Variants in PRKCE observed in about 807,000 individuals in gnomAD.
PRKCE encodes the protein protein kinase C epsilon, also known as protein kinase C epsilon type.
Under a neutral mutation model 85.4 loss-of-function variants are expected in PRKCE, and 16 were observed. The observed-to-expected ratio is 0.19, with a 90% CI of 0.13 to 0.28. The LOEUF (loss-of-function observed/expected upper bound fraction) is 0.28, where lower values mean the gene tolerates loss of function less well. PRKCE is among the 10% of genes least tolerant of loss of function. PRKCE has a pLI of 1.00. For synonymous variants in PRKCE, 388 were observed against 371.5 expected, an observed-to-expected ratio of 1.04 and a Z score of -0.51; for missense variants, 573 against 975.2, an observed-to-expected ratio of 0.59 and a Z score of 5.49.
chr2:45,771,717 G>A (rs985951097), intron 1 of PRKCE, among the ~76,000 whole-genome samples: 6 of 87,176 alleles, frequency 6.9e-5, no homozygotes, highest in African/African-American at 1.9e-4. Flanking sequence ...GTGTGTGTGT[G>A]TGTGTGTGTG....
chr2:46,095,062 A>G (rs1218651734), intron 11 of PRKCE, among the ~76,000 whole-genome samples: 1 of 152,208 alleles, frequency 6.6e-6, no homozygotes, highest in Admixed American at 6.5e-5. Context: ...TAAGCCCTTC[A>G]GTTCTAGAAA....
intron 2 of PRKCE, among the ~76,000 whole-genome samples, chr2:45,933,464 C>CGTT (rs1699187286): frequency 1.5e-5 from 1 of 65,346 alleles, no homozygotes; most frequent in African/African-American, 6.2e-5. Flanking sequence ...CATATGCCTG[C>CGTT]TTTTTTTTTT....
rs1680478802 is a variant in PRKCE at position 46,186,768 on chromosome 2, C to A, written c.*1887C>A. 6.6e-6 allele frequency: 1 copy of A among 152,520 alleles called. No individual in the cohort carries two copies. The highest frequency in any genetic ancestry group is 2.4e-5 in the African/African-American group (1 of 41,390). The allele number at this position is 152,520 out of a possible 1,614,324, so 9.4% of individuals were successfully genotyped here. ...AGCTCGGACAGTAACTATCTTGAGC[C>A]CATTAGAGAGTCTGTGTCCATATTT... On this transcript the variant is annotated 3_prime_UTR_variant, in exon 15 of 15. Transcript: ENST00000306156.
intron 8 of PRKCE, among the ~76,000 whole-genome samples, chr2:46,005,299 G>C (rs577487296): frequency 3.3e-5 from 5 of 152,320 alleles, no homozygotes; most frequent in African/African-American, 9.6e-5. Context: ...ATCCGAGAAT[G>C]ATGAGGCTGA....
chr2:45,968,303 A>G (rs1044678324), intron 2 of PRKCE, among the ~76,000 whole-genome samples: 1 of 152,250 alleles, frequency 6.6e-6, no homozygotes, highest in Non-Finnish European at 1.5e-5. Context: ...AAAGTATGAA[A>G]TAATGTCTTA....
chr2:45,991,566 G>C (rs559750560), intron 6 of PRKCE, among the ~76,000 whole-genome samples: 1 of 152,150 alleles, frequency 6.6e-6, no homozygotes, highest in Non-Finnish European at 1.5e-5. Context: ...TGGATGTTCC[G>C]TAGATTGTTT....
Position 45,888,421 on chromosome 2 carries a change from A to G in PRKCE, c.412+45358A>G, listed in dbSNP as rs939472526. ...AAACATTTGGCCACTGGAAAGCCTC[A>G]TGCCTCATCTTTAAAAAATGCAGAA... On this transcript the variant is annotated intron_variant, in intron 2 of 14. Transcript: ENST00000306156. Among the ~76,000 whole-genome samples, 5 of 149,298 alleles carry G rather than the reference A, an allele frequency of 3.3e-5. No homozygotes were observed. In the South Asian group the frequency reaches 1.1e-3, roughly 32 times the overall value.
At chr2:45,863,041 C>T (rs554278085) in intron 2 of PRKCE, among the ~76,000 whole-genome samples, 3 of 152,118 alleles carry the variant, frequency 2.0e-5, no homozygotes, top group Non-Finnish European at 4.4e-5. Context: ...CAGTTGGGGA[C>T]AATATGTGTG....
At chr2:45,968,485 A>G (rs1218024296) in intron 2 of PRKCE, among the ~76,000 whole-genome samples, 2 of 152,190 alleles carry the variant, frequency 1.3e-5, no homozygotes, top group East Asian at 3.8e-4. Context: ...AAGGAGAAGG[A>G]TGGGAGGGAG....
chr2:46,121,153 C>T (rs1230643556), intron 11 of PRKCE, among the ~76,000 whole-genome samples: 1 of 152,214 alleles, frequency 6.6e-6, no homozygotes, highest in Non-Finnish European at 1.5e-5. Context: ...TTTACCATCA[C>T]AGCTCCATCT....
chr2:45,868,319 CAAA>C (rs371501864), intron 2 of PRKCE, among the ~76,000 whole-genome samples: 3 of 35,998 alleles, frequency 8.3e-5, no homozygotes, highest in South Asian at 2.4e-3. Flanking sequence ...CTTTCCTGTC[CAAA>C]AAAAAAAAAA....
chr2:45,918,118 T>C (rs562039227), intron 2 of PRKCE, among the ~76,000 whole-genome samples: 5 of 152,308 alleles, frequency 3.3e-5, no homozygotes, highest in African/African-American at 1.2e-4. Context: ...AGAAAGGGGC[T>C]CCCAGAGTGC....
At chr2:45,886,604 C>T (rs934879371) in intron 2 of PRKCE, among the ~76,000 whole-genome samples, 1 of 152,212 alleles carries the variant, frequency 6.6e-6, no homozygotes. Context: ...AAAAATACAG[C>T]TGACGTGATA....
At chr2:45,714,320 G>A (rs1033419687) in intron 1 of PRKCE, among the ~76,000 whole-genome samples, 33 of 152,208 alleles carry the variant, frequency 2.2e-4, no homozygotes. Context: ...GTCAGGGAAG[G>A]ACTGTCCTAC....
intron 2 of PRKCE, among the ~76,000 whole-genome samples, chr2:45,909,331 AG>A (rs554562252): frequency 2.0e-3 from 305 of 152,204 alleles, no homozygotes; most frequent in Non-Finnish European, 2.7e-3. Flanking sequence ...AGGCACCAGA[AG>A]GGGGATGTGG....
At chr2:45,920,549 A>G (rs1323146253) in intron 2 of PRKCE, among the ~76,000 whole-genome samples, 1 of 152,374 alleles carries the variant, frequency 6.6e-6, no homozygotes, top group East Asian at 1.9e-4. Flanking sequence ...TGAAATATCC[A>G]TGGTTGAGCC....
At chr2:45,764,569 AG>A (rs991200016) in intron 1 of PRKCE, among the ~76,000 whole-genome samples, 1 of 152,254 alleles carries the variant, frequency 6.6e-6, no homozygotes, top group Non-Finnish European at 1.5e-5. Flanking sequence ...GAAACCAGAC[AG>A]GGCAATTCAG....
chr2:45,976,317 C>A, intron 2 of PRKCE, 112 bp from the exon 3 acceptor site: 1 of 1,292,982 alleles, frequency 7.7e-7, no homozygotes, highest in Non-Finnish European at 1.1e-6. Context: ...GGCTACCTCT[C>A]ACCCACCCCA....
chr2:45,680,554 C>T (rs192572668), intron 1 of PRKCE, among the ~76,000 whole-genome samples: 72 of 152,210 alleles, frequency 4.7e-4, no homozygotes, highest in Non-Finnish European at 7.9e-4. Context: ...GTGAACCAAA[C>T]GGGGAAAGTA....
Sources: allele counts gnomAD v4.1 joint callset (sites outside exome capture counted in the v4.1 genomes callset), GRCh38; gene constraint gnomAD v4.1.1; transcripts MANE v1.5; gene names NCBI Gene and HGNC (gene_info 2026-07-23, HGNC 2026-07-21).